FOCAD: variants seen among roughly 807,000 people sequenced by gnomAD.
The protein encoded by FOCAD is focadhesin, also known as KIAA1797.
Under a neutral mutation model 225.6 loss-of-function variants are expected in FOCAD, and 198 were observed. The ratio of observed to expected loss-of-function variants is 0.88; its 90% CI spans 0.78 to 0.99. FOCAD has a LOEUF of 0.99. Ranked by LOEUF, FOCAD falls within the 50% of genes least tolerant of loss-of-function variation. The pLI is 0.00. For synonymous variants in FOCAD, 897 were observed against 755.0 expected (o/e 1.19, Z -3.08); for missense variants, 2,713 against 2,123.6 (o/e 1.28, Z -5.46).
At chr9:20,771,034 A>G (rs1250404775) in intron 8 of FOCAD, among the ~76,000 whole-genome samples, 1 of 152,210 alleles carries the variant, frequency 6.6e-6, no homozygotes, top group Non-Finnish European at 1.5e-5. Context: ...TTTAAAATGT[A>G]ATGGGAGAAC....
At chr9:20,725,978 A>G (rs2131580380) in intron 4 of FOCAD, among the ~76,000 whole-genome samples, 1 of 152,176 alleles carries the variant, frequency 6.6e-6, no homozygotes, top group South Asian at 2.1e-4. Context: ...AGGAAATTTG[A>G]AAAAAAATTA....
intron 35 of FOCAD, among the ~76,000 whole-genome samples, chr9:20,971,439 T>TA (rs1839755021): frequency 6.6e-6 from 1 of 152,106 alleles, no homozygotes; most frequent in African/African-American, 2.4e-5. Context: ...CATTTTTTTT[T>TA]ATTTTTTTTG....
At chr9:20,658,262 C>T (rs1821578831), upstream of FOCAD, 1 of 157,484 alleles carries the variant, frequency 6.3e-6, no homozygotes, top group Non-Finnish European at 1.4e-5. Flanking sequence ...AGAGGTGGAG[C>T]TTACAGAGGC....
At chr9:20,748,710 A>G (rs1828282695) in intron 5 of FOCAD, among the ~76,000 whole-genome samples, 1 of 152,046 alleles carries the variant, frequency 6.6e-6, no homozygotes, top group Non-Finnish European at 1.5e-5. Flanking sequence ...CTTTCTCTCT[A>G]GCTACATGTT....
Position 20,758,173 on chromosome 9 carries a change from T to C in FOCAD, c.476T>C (p.Phe159Ser), listed in dbSNP as rs1186975229. The change falls in exon 6 of 44, where the codon TTC (phenylalanine) becomes TCC (serine). Residue 159 changes from phenylalanine (F) to serine (S), a missense_variant. Physicochemically the swap from Phe to Ser is radical, Grantham distance 155. Transcript: ENST00000338382. ...TTTTTGCAGCAGCTGACAGCGTTTT[T>C]CCAGCAGTGCCCTGAAAGGTAATGT... ...PVFLQQLTAF[F>S]QQCPERLEVS... The C allele has an allele frequency of 6.2e-7, 1 of 1,612,044 alleles. No individual in the cohort carries two copies. Among genetic ancestry groups the C allele is most frequent in the Admixed American group, 1.7e-5 (1 of 59,652 alleles).
chr9:20,766,493 C>T (rs1325790288), intron 7 of FOCAD, among the ~76,000 whole-genome samples: 1 of 152,122 alleles, frequency 6.6e-6, no homozygotes, highest in Admixed American at 6.6e-5. Flanking sequence ...GCAAGGCAAC[C>T]ATTTTTTTTA....
chr9:20,719,009 A>G (rs2131534369), intron 3 of FOCAD, among the ~76,000 whole-genome samples: 1 of 152,304 alleles, frequency 6.6e-6, no homozygotes, highest in Non-Finnish European at 1.5e-5. Context: ...TGTTATTTTA[A>G]TAGTGGGATG....
chr9:20,946,437 A>T (rs955622862), intron 29 of FOCAD, among the ~76,000 whole-genome samples: 7 of 152,298 alleles, frequency 4.6e-5, no homozygotes, highest in African/African-American at 1.7e-4. Context: ...CTGGGCTTGA[A>T]TCCCTCCTTT....
intron 26 of FOCAD, chr9:20,927,618 T>C (rs1835080572): frequency 6.6e-6 from 1 of 152,280 alleles, no homozygotes; most frequent in East Asian, 1.9e-4. Context: ...TTTTTTGTTT[T>C]GGTTTCCTTT....
intron 21 of FOCAD, among the ~76,000 whole-genome samples, chr9:20,905,886 C>G (rs1261512646): frequency 6.6e-6 from 1 of 150,932 alleles, no homozygotes; most frequent in Non-Finnish European, 1.5e-5. Flanking sequence ...TTTATAATTA[C>G]TTTTAAGTTC....
At chr9:20,828,418 A>G (rs1041805293) in intron 15 of FOCAD, among the ~76,000 whole-genome samples, 2 of 152,022 alleles carry the variant, frequency 1.3e-5, no homozygotes, top group Non-Finnish European at 2.9e-5. Flanking sequence ...TTTTGTGTGT[A>G]TACATATTTT....
chr9:20,882,198 T>A, intron 20 of FOCAD, 142 bp downstream of exon 20: 2 of 711,156 alleles, frequency 2.8e-6, no homozygotes, highest in Non-Finnish European at 4.6e-6. Context: ...CATCGCACTT[T>A]AAAAGACATC....
At chr9:20,656,970 C>T (rs1357463070), upstream of FOCAD, among the ~76,000 whole-genome samples, 1 of 151,586 alleles carries the variant, frequency 6.6e-6, no homozygotes, top group Admixed American at 6.6e-5. Context: ...TAGGGCAGGC[C>T]TGGTGGTGAC....
intron 21 of FOCAD, among the ~76,000 whole-genome samples, chr9:20,902,391 A>G (rs892484594): frequency 1.3e-4 from 20 of 151,950 alleles, no homozygotes; most frequent in Non-Finnish European, 5.9e-5. Flanking sequence ...TCGTAATTTG[A>G]TGCAGCCAGA....
intron 22 of FOCAD, among the ~76,000 whole-genome samples, chr9:20,910,564 G>A (rs781759111): frequency 1.3e-5 from 2 of 151,896 alleles, no homozygotes; most frequent in Non-Finnish European, 2.9e-5. Context: ...AGTTCTTATG[G>A]TACAGGCTAA....
At chr9:20,745,144 C>G (rs1023570907) in intron 5 of FOCAD, among the ~76,000 whole-genome samples, 1 of 149,838 alleles carries the variant, frequency 6.7e-6, no homozygotes, top group Non-Finnish European at 1.5e-5. Flanking sequence ...GGGTCTCACT[C>G]TGTCACCCAG....
intron 1 of FOCAD, among the ~76,000 whole-genome samples, chr9:20,697,488 A>G (rs191363641): frequency 6.6e-6 from 1 of 152,350 alleles, no homozygotes; most frequent in Non-Finnish European, 1.5e-5. Flanking sequence ...GCTGACTTGC[A>G]CTAGCCAACA....
intron 15 of FOCAD, among the ~76,000 whole-genome samples, chr9:20,845,020 C>T (rs764201261): frequency 8.6e-5 from 13 of 151,954 alleles, no homozygotes; most frequent in South Asian, 4.2e-4. Context: ...CGATTTCTTT[C>T]GTAATCTCTA....
intron 35 of FOCAD, among the ~76,000 whole-genome samples, chr9:20,969,763 A>T (rs943004924): frequency 1.4e-4 from 19 of 132,718 alleles, no homozygotes; most frequent in African/African-American, 5.2e-4. Flanking sequence ...ATATTTACCT[A>T]TGTAATTACC....
Sources: gnomAD v4.1 joint callset for allele counts (sites outside exome capture counted in the v4.1 genomes callset) on GRCh38, gnomAD v4.1.1 for gene constraint, MANE v1.5 for transcripts, NCBI Gene and HGNC (gene_info 2026-07-23, HGNC 2026-07-21) for gene names.